Variants in PCDHGB6 observed in about 807,000 individuals in gnomAD.
PCDHGB6 encodes protocadherin gamma subfamily B, 6.
In PCDHGB6, 51 loss-of-function variants were observed where a neutral mutation model predicts 59.1. That is an observed-to-expected ratio of 0.86 (90% confidence interval 0.69 to 1.09). The LOEUF (loss-of-function observed/expected upper bound fraction) is 1.09. PCDHGB6 is among the 50% of genes least tolerant of loss of function. The probability of loss-of-function intolerance (pLI) is 0.00; values close to 1 mark genes in which losing one functional copy is unlikely to be tolerated. For synonymous variants in PCDHGB6, 466 were observed against 495.1 expected, an observed-to-expected ratio of 0.94 and a Z score of 0.78; for missense variants, 1,148 against 1,205.1, an observed-to-expected ratio of 0.95 and a Z score of 0.70.
chr5:141,438,631 TATATACACACAC>T (rs1290318462), intron 1 of PCDHGB6, among the ~76,000 whole-genome samples: 214 of 43,192 alleles, frequency 5.0e-3, no homozygotes, highest in Non-Finnish European at 6.1e-3. Flanking sequence ...TATATATATA[TATATACACACAC>T]ACACACACAT....
At chr5:141,423,749 T>TTG (rs1249843775) in intron 1 of PCDHGB6, 127 of 272,264 alleles carry the variant, frequency 4.7e-4, no homozygotes, top group South Asian at 6.4e-4. Context: ...TGAAAACTGT[T>TTG]TGGGGGGGGG....
chr5:141,470,791 A>G (rs1234712958), intron 1 of PCDHGB6, among the ~76,000 whole-genome samples: 3 of 152,152 alleles, frequency 2.0e-5, no homozygotes, highest in African/African-American at 7.2e-5. Context: ...GGGCTCAAGC[A>G]ATCCTCCCAC....
rs147564249 is a variant in PCDHGB6, at chr5:141,432,378, C to T, written c.2418+21758C>T. 1 of 1,614,234 alleles carries T rather than the reference C, an allele frequency of 6.2e-7. No homozygotes were observed. Among genetic ancestry groups the T allele is most frequent in the Non-Finnish European group, 8.5e-7 (1 of 1,180,044 alleles). ...GTGATGGCGCGGGACAACGGGCACCCGCCCCTCAGCAGCAACGTGTCGTTG... is the reference window on the plus strand; with the variant it reads ...GTGATGGCGCGGGACAACGGGCACCTGCCCCTCAGCAGCAACGTGTCGTTG... On this transcript the variant is annotated intron_variant, in intron 1 of 3. Coordinates refer to ENST00000520790, the MANE Select transcript of PCDHGB6 (RefSeq NM_018926.3). This position sits in a 1 kb window ranked among gnomAD's most constrained non-coding sequence, Gnocchi z 6.0.
chr5:141,432,630 G>A lies in PCDHGB6; in HGVS notation c.2418+22010G>A, dbSNP rs1278355878. On this transcript the variant is annotated intron_variant, in intron 1 of 3. Coordinates refer to ENST00000520790, the MANE Select transcript of PCDHGB6 (RefSeq NM_018926.3). This position sits in a 1 kb window ranked among gnomAD's most constrained non-coding sequence, Gnocchi z 6.0. ...CTCTTCTCGGTGGGTCTGCACACGG[G>A]CGAGGTGCGCACGGCGCGAGCCCTG... 3.7e-6 allele frequency: 6 copies of A among 1,612,782 alleles called. No homozygotes were observed. Among genetic ancestry groups the A allele is most frequent in the Non-Finnish European group, 5.1e-6 (6 of 1,179,682 alleles).
At chr5:141,495,149 G>A (rs1448841303) in intron 2 of PCDHGB6, among the ~76,000 whole-genome samples, 1 of 152,170 alleles carries the variant, frequency 6.6e-6, no homozygotes, top group Non-Finnish European at 1.5e-5. Context: ...CCAAAGGATG[G>A]TCTTAAGCTG....
At position 141,511,916 on chromosome 5, in the gene PCDHGB6, C is replaced by T. The variant is rs2099884006; in HGVS notation, c.*743C>T. ...CCACCTCCTCCTCAAACAAGAGACT[C>T]CACTGCATGTTCCAAGACAGTATGG... On this transcript the variant is annotated 3_prime_UTR_variant, in exon 4 of 4. Coordinates refer to ENST00000520790, the MANE Select transcript of PCDHGB6 (RefSeq NM_018926.3). The T allele has an allele frequency of 6.4e-6, 1 of 156,466 alleles. No individual in the cohort carries two copies. The highest frequency in any genetic ancestry group is 2.4e-5 in the African/African-American group (1 of 41,474). The allele number at this position is 156,466 out of a possible 1,614,324, so 9.7% of individuals were successfully genotyped here.
Position 141,490,965 on chromosome 5 carries a change from C to G in PCDHGB6, c.2419-3842C>G. On this transcript the variant is annotated intron_variant, in intron 1 of 3. Coordinates refer to ENST00000520790, the MANE Select transcript of PCDHGB6 (RefSeq NM_018926.3). This position sits in a 1 kb window ranked among gnomAD's most constrained non-coding sequence, Gnocchi z 5.4. ...CACGGCCAGACTGGGAACACTCAGC[C>G]CCCCAGCGTCTCCCTCGCTCTGCTC... is the stretch of plus-strand genomic sequence containing the variant. 5 of 1,613,856 alleles carry G rather than the reference C, an allele frequency of 3.1e-6. No homozygotes were observed. The highest frequency in any genetic ancestry group is 3.3e-4 in the Middle Eastern group (2 of 6,062).
At chr5:141,488,913 A>G (rs887938731) in intron 1 of PCDHGB6, among the ~76,000 whole-genome samples, 4 of 152,196 alleles carry the variant, frequency 2.6e-5, no homozygotes, top group African/African-American at 7.2e-5. Flanking sequence ...TGTGTTCCCA[A>G]GGTTTCCAGG....
intron 1 of PCDHGB6, among the ~76,000 whole-genome samples, chr5:141,460,251 A>G (rs2098984972): frequency 6.6e-6 from 1 of 152,114 alleles, no homozygotes; most frequent in Admixed American, 6.6e-5. Context: ...TAATTTTGAT[A>G]AAGCCCAATT....
intron 3 of PCDHGB6, among the ~76,000 whole-genome samples, chr5:141,507,479 C>T (rs1050741571): frequency 1.3e-5 from 2 of 152,198 alleles, no homozygotes; most frequent in East Asian, 1.9e-4. Flanking sequence ...GACTGCTGGC[C>T]TCCTGAGGCA....
At position 141,489,193 on chromosome 5, in the gene PCDHGB6, G is replaced by A; in HGVS notation, c.2419-5614G>A. The A allele has an allele frequency of 2.2e-6, 3 of 1,369,230 alleles. No individual in the cohort carries two copies. Among genetic ancestry groups the A allele is most frequent in the Non-Finnish European group, 3.0e-6 (3 of 1,000,290 alleles). 84.8% of individuals were successfully genotyped at this position (1,369,230 alleles called of 1,614,324 possible). On this transcript the variant is annotated intron_variant, in intron 1 of 3. Coordinates refer to ENST00000520790, the MANE Select transcript of PCDHGB6 (RefSeq NM_018926.3). The surrounding 1 kb of genome is among the most constrained non-coding windows in gnomAD (Gnocchi z 4.5). ...GCATTCCAAGCCCTGGGTCTACCTT[G>A]GAGACAGGACAGCACAGACTTACTC...
At chr5:141,415,386 A>G (rs1383734863) in intron 1 of PCDHGB6, 9 of 1,614,156 alleles carry the variant, frequency 5.6e-6, no homozygotes, top group Non-Finnish European at 7.6e-6. Flanking sequence ...GCGGCTTGAC[A>G]GGTGTGTCCG....
chr5:141,498,919 CG>C (rs2099786825), intron 2 of PCDHGB6, among the ~76,000 whole-genome samples: 1 of 122,240 alleles, frequency 8.2e-6, no homozygotes, highest in African/African-American at 3.1e-5. Context: ...GGTGACAGAG[CG>C]AGACTCCATC....
chr5:141,477,705 G>A lies in PCDHGB6; in HGVS notation c.2419-17102G>A, dbSNP rs1285254654. On this transcript the variant is annotated intron_variant, in intron 1 of 3. Coordinates refer to ENST00000520790, the MANE Select transcript of PCDHGB6 (RefSeq NM_018926.3). The surrounding 1 kb of genome is among the most constrained non-coding windows in gnomAD (Gnocchi z 4.9). ...TTAGTGCCCCTAGACTATGAGGATCGGCGGGAATTTGAATTAACAGCTCAT... is the reference window on the plus strand; with the variant it reads ...TTAGTGCCCCTAGACTATGAGGATCAGCGGGAATTTGAATTAACAGCTCAT... The A allele has an allele frequency of 6.2e-7, 1 of 1,614,008 alleles. No homozygotes were observed. Among genetic ancestry groups the A allele is most frequent in the Non-Finnish European group, 8.5e-7 (1 of 1,180,048 alleles).
chr5:141,475,950 C>A, intron 1 of PCDHGB6: 1 of 761,530 alleles, frequency 1.3e-6, no homozygotes, highest in African/African-American at 1.7e-5. Flanking sequence ...CCCCTTTCTG[C>A]GCCCCGGGAT....
rs770468191 is a variant in PCDHGB6, at chr5:141,478,296, A to G, written c.2419-16511A>G. On this transcript the variant is annotated intron_variant, in intron 1 of 3. Coordinates refer to ENST00000520790, the MANE Select transcript of PCDHGB6 (RefSeq NM_018926.3). ...AAGTGGAAGCAGTCTAGAGACCTAT[A>G]CCGAGCCCCGGTGAGCTCACTGTAC... is the stretch of plus-strand genomic sequence containing the variant. The G allele has an allele frequency of 9.3e-6, 15 of 1,613,962 alleles. No individual in the cohort carries two copies. Among genetic ancestry groups the G allele is most frequent in the African/African-American group, 6.7e-5 (5 of 74,930 alleles).
chr5:141,502,179 A>G (rs1403845758), intron 2 of PCDHGB6, among the ~76,000 whole-genome samples: 2 of 152,218 alleles, frequency 1.3e-5, no homozygotes, highest in Non-Finnish European at 2.9e-5. Context: ...GGAATTTAAC[A>G]TTAATACAAT....
chr5:141,441,973 C>A lies in PCDHGB6; in HGVS notation c.2418+31353C>A, dbSNP rs1457832429. The A allele has an allele frequency of 3.7e-5, 11 of 296,542 alleles. No individual in the cohort carries two copies. In the Admixed American group the frequency reaches 4.9e-4, roughly 13 times the overall value. 18.4% of individuals were successfully genotyped at this position (296,542 alleles called of 1,614,324 possible). A position where few individuals can be genotyped will look rare whatever the true frequency, so the allele number is the denominator to read the frequency against. ...GGCCAGCAAGCCCAGGCTCTTCAGC[C>A]TGGAATGCGCACCGACGAGGTGCTG... On this transcript the variant is annotated intron_variant, in intron 1 of 3. Coordinates refer to ENST00000520790, the MANE Select transcript of PCDHGB6 (RefSeq NM_018926.3).
intron 3 of PCDHGB6, among the ~76,000 whole-genome samples, chr5:141,506,564 G>A (rs984395438): frequency 5.3e-5 from 8 of 152,016 alleles, no homozygotes; most frequent in East Asian, 1.9e-4. Context: ...AAACCCCCTC[G>A]GTTTCACTTA....
Sources: gnomAD v4.1 joint callset for allele counts (sites outside exome capture counted in the v4.1 genomes callset) on GRCh38, gnomAD v4.1.1 for gene constraint, Gnocchi (gnomAD v3.1) non-coding constraint, MANE v1.5 for transcripts, NCBI Gene and HGNC (gene_info 2026-07-23, HGNC 2026-07-21) for gene names.